PCLO: variants seen among roughly 807,000 people sequenced by gnomAD.
PCLO encodes the protein protein piccolo.
A neutral mutation model predicts 427.5 loss-of-function variants in PCLO; 82 were observed. The ratio of observed to expected loss-of-function variants is 0.19; its 90% CI spans 0.16 to 0.23. The LOEUF (loss-of-function observed/expected upper bound fraction) is 0.23, where lower values mean the gene tolerates loss of function less well. Ranked by LOEUF, PCLO falls within the 10% of genes least tolerant of loss-of-function variation. The pLI is 1.00. For synonymous variants in PCLO, 2,357 were observed against 2,155.4 expected, an observed-to-expected ratio of 1.09 and a Z score of -2.59; for missense variants, 6,239 against 6,115.9, an observed-to-expected ratio of 1.02 and a Z score of -0.67.
intron 9 of PCLO, among the ~76,000 whole-genome samples, chr7:82,896,342 C>G (rs1412372830): frequency 6.6e-6 from 1 of 151,676 alleles, no homozygotes; most frequent in Non-Finnish European, 1.5e-5. Context: ...CATGCTACAA[C>G]TAACCTAAAA....
intron 6 of PCLO, among the ~76,000 whole-genome samples, chr7:82,922,345 C>T (rs987950094): frequency 1.3e-5 from 2 of 151,920 alleles, no homozygotes; most frequent in Admixed American, 6.6e-5. Flanking sequence ...GCCAGATGTC[C>T]ATCAATGGTA....
At chr7:82,985,895 C>T (rs575530762) in intron 3 of PCLO, among the ~76,000 whole-genome samples, 13 of 151,826 alleles carry the variant, frequency 8.6e-5, no homozygotes, top group South Asian at 4.2e-4. Flanking sequence ...CATACTTTTT[C>T]GATTTTTGTA....
chr7:83,092,328 C>A (rs1261291277), intron 3 of PCLO, among the ~76,000 whole-genome samples: 2 of 152,136 alleles, frequency 1.3e-5, no homozygotes, highest in Non-Finnish European at 2.9e-5. Context: ...ACACCTTAAG[C>A]CATTATCCCT....
At chr7:82,933,462 T>C (rs191925110) in intron 6 of PCLO, among the ~76,000 whole-genome samples, 8 of 152,092 alleles carry the variant, frequency 5.3e-5, no homozygotes, top group African/African-American at 1.7e-4. Flanking sequence ...AAAATGTCTT[T>C]TTAGGTCTTC....
At chr7:83,038,651 C>T (rs1196241211) in intron 3 of PCLO, among the ~76,000 whole-genome samples, 2 of 151,820 alleles carry the variant, frequency 1.3e-5, no homozygotes, top group Admixed American at 6.6e-5. Context: ...TGGGTTGTTT[C>T]CACCTTTTAG....
chr7:83,154,931 T>C lies in PCLO; in HGVS notation c.1710A>G (p.Pro570=), dbSNP rs2116685394. Residue 570 remains proline, a synonymous_variant, in exon 2 of 25, where the codon CCA becomes CCG. Transcript: ENST00000333891. The stretch of plus-strand genomic sequence containing the variant: ...GCTGTTTTGCAGATGGAGACACTGT[T>C]GGTGGCTGCAGAGGTTTTCCAGATC... ...QTGSGKPLQP[P]TVSPSAKQPP... is the part of the protein sequence containing the mutation. The C allele has an allele frequency of 6.2e-7, 1 of 1,613,966 alleles. No homozygotes were observed. The highest frequency in any genetic ancestry group is 1.1e-5 in the South Asian group (1 of 91,084).
chr7:82,859,197 G>C (rs557863173), intron 10 of PCLO, among the ~76,000 whole-genome samples: 152 of 152,068 alleles, frequency 1.0e-3, no homozygotes, highest in Non-Finnish European at 1.7e-3. Flanking sequence ...TGAAGGGAAA[G>C]ACAGGCCTGG....
In PCLO at chr7:82,810,682, G is replaced by A. The variant is rs986278035; in HGVS notation, c.14792-4853C>T. 1.3e-5 allele frequency among the ~76,000 whole-genome samples: 2 copies of A among 151,608 alleles called. 1 individual carries two copies. The highest frequency in any genetic ancestry group is 1.3e-4 in the Admixed American group (2 of 15,174). ...TTTCACTTTCTTTGGCTGTTAGATGGTTCAACATCATTGTGTTTTATTACT... is the reference window on the plus strand; with the variant it reads ...TTTCACTTTCTTTGGCTGTTAGATGATTCAACATCATTGTGTTTTATTACT... On this transcript the variant is annotated intron_variant, in intron 20 of 24. Coordinates refer to ENST00000333891, the MANE Select transcript of PCLO (RefSeq NM_033026.6).
At chr7:82,848,843 C>A in intron 10 of PCLO, 1 of 358,556 alleles carries the variant, frequency 2.8e-6, no homozygotes, top group Non-Finnish European at 5.6e-6. Flanking sequence ...ATAACACAAA[C>A]AAGAATGACT....
chr7:83,130,992 A>G (rs1328113927), intron 3 of PCLO, among the ~76,000 whole-genome samples: 1 of 152,238 alleles, frequency 6.6e-6, no homozygotes, highest in Non-Finnish European at 1.5e-5. Flanking sequence ...TATCAACAAT[A>G]AAATAAATAT....
At chr7:82,902,500 A>G in intron 9 of PCLO, 151 bp downstream of exon 9, 1 of 538,222 alleles carries the variant, frequency 1.9e-6, no homozygotes, top group Non-Finnish European at 3.4e-6. Flanking sequence ...TGGGTGCAGC[A>G]CACCAGCATG....
At chr7:82,824,502 A>G in intron 18 of PCLO, 86 bp from the exon 19 acceptor site, 1 of 856,980 alleles carries the variant, frequency 1.2e-6, no homozygotes, top group East Asian at 2.6e-5. Flanking sequence ...AAATTTATTC[A>G]AGGATATAAA....
chr7:82,996,247 A>C (rs956901319), intron 3 of PCLO, among the ~76,000 whole-genome samples: 1 of 151,904 alleles, frequency 6.6e-6, no homozygotes, highest in Non-Finnish European at 1.5e-5. Context: ...TATTGTTTCA[A>C]TTTTATTTTC....
chr7:82,834,479 A>G (rs565945464), intron 16 of PCLO, among the ~76,000 whole-genome samples: 1 of 152,316 alleles, frequency 6.6e-6, no homozygotes, highest in South Asian at 2.1e-4. Context: ...TTACGTATTT[A>G]TGCTTTTAAA....
intron 3 of PCLO, among the ~76,000 whole-genome samples, chr7:83,064,044 C>T (rs1282315994): frequency 1.3e-5 from 2 of 151,998 alleles, no homozygotes; most frequent in African/African-American, 4.8e-5. Context: ...CAAGCTCCTA[C>T]AATGAGAATG....
intron 3 of PCLO, among the ~76,000 whole-genome samples, chr7:82,990,269 C>A (rs947525136): frequency 2.0e-5 from 3 of 152,124 alleles, no homozygotes; most frequent in African/African-American, 4.8e-5. Flanking sequence ...TCTGTGCCCC[C>A]TTTATGGCCT....
chr7:82,978,855 CAA>C (rs1277375495), intron 3 of PCLO, among the ~76,000 whole-genome samples: 1,528 of 87,446 alleles, frequency 0.017, 18 homozygotes, highest in African/African-American at 0.056. Context: ...CACACACACA[CAA>C]ACACACACAC....
At chr7:83,006,554 AT>A (rs1046437198) in intron 3 of PCLO, among the ~76,000 whole-genome samples, 14 of 151,494 alleles carry the variant, frequency 9.2e-5, no homozygotes, top group Admixed American at 4.6e-4. Context: ...TTATTCCTTC[AT>A]TGAACCTTGG....
At chr7:83,001,664 A>T (rs908118211) in intron 3 of PCLO, among the ~76,000 whole-genome samples, 1 of 151,992 alleles carries the variant, frequency 6.6e-6, no homozygotes, top group Non-Finnish European at 1.5e-5. Flanking sequence ...ATGAAGCTAT[A>T]CTCAGCTGGT....
Sources: gnomAD v4.1 joint callset for allele counts (sites outside exome capture counted in the v4.1 genomes callset) on GRCh38, gnomAD v4.1.1 for gene constraint, MANE v1.5 for transcripts, NCBI Gene and HGNC (gene_info 2026-07-23, HGNC 2026-07-21) for gene names.